ZCCHC10: variants seen among roughly 807,000 people sequenced by gnomAD.
ZCCHC10 encodes the protein zinc finger CCHC domain-containing protein 10.
In ZCCHC10, 16 loss-of-function variants were observed where a neutral mutation model predicts 19.5. The observed-to-expected ratio is 0.82, with a 90% CI of 0.56 to 1.25. The LOEUF (loss-of-function observed/expected upper bound fraction) is 1.25. Among genes scored for constraint, ZCCHC10 ranks in the 50% most tolerant of loss-of-function variants. The probability of loss-of-function intolerance (pLI) is 0.00; values close to 1 mark genes in which losing one functional copy is unlikely to be tolerated. For missense variants in ZCCHC10, 197 were observed against 201.0 expected, an observed-to-expected ratio of 0.98 and a Z score of 0.12; for synonymous variants, 67 against 72.5, an observed-to-expected ratio of 0.92 and a Z score of 0.38.
In ZCCHC10 at chr5:132,998,616, G is replaced by A. The variant is rs766096641; in HGVS notation, c.546C>T (p.Asp182=). The A allele has an allele frequency of 1.9e-5, 30 of 1,613,820 alleles. No homozygotes were observed. The South Asian group carries it at 2.3e-4, about 12-fold the overall frequency. Residue 182 remains aspartate (D), a synonymous_variant, in exon 5 of 5, where the codon GAC becomes GAT. Transcript: ENST00000509437. ...TTTTCTTCTTCTTTGGTGGTTCATC[G>A]TCAGAGCTGCTATCTGTGCTGGTGC... ...SSSTSTDSSS[D]DEPPKKKKKK is the part of the protein sequence containing the mutation.
At chr5:133,009,424 C>T (rs1205895930) in intron 2 of ZCCHC10, among the ~76,000 whole-genome samples, 4 of 151,582 alleles carry the variant, frequency 2.6e-5, no homozygotes, top group South Asian at 2.1e-4. Context: ...TCGAGACCAG[C>T]GTGGCCAACA....
At chr5:133,021,712 T>TA (rs1764322963) in intron 2 of ZCCHC10, among the ~76,000 whole-genome samples, 1 of 152,204 alleles carries the variant, frequency 6.6e-6, no homozygotes, top group East Asian at 1.9e-4. Context: ...ACTTTATAAA[T>TA]ACTGTACATT....
intron 1 of ZCCHC10, 97 bp from the exon 2 acceptor site, chr5:133,023,003 A>C (rs1311901602): frequency 7.4e-6 from 3 of 403,448 alleles, no homozygotes; most frequent in Non-Finnish European, 1.3e-5. Context: ...ATGACAATTC[A>C]GGTAGAAAAC....
At chr5:133,004,321 T>A (rs991249412) in intron 3 of ZCCHC10, among the ~76,000 whole-genome samples, 1 of 151,812 alleles carries the variant, frequency 6.6e-6, no homozygotes, top group African/African-American at 2.4e-5. Context: ...ATTATGGGCA[T>A]GCGCCACCAC....
chr5:133,013,156 G>T (rs1763679637), intron 2 of ZCCHC10, among the ~76,000 whole-genome samples: 1 of 149,992 alleles, frequency 6.7e-6, no homozygotes, highest in Admixed American at 6.6e-5. Flanking sequence ...TACTTGGGAG[G>T]CTGAGGCAGG....
At chr5:133,002,794 A>G (rs538751155) in intron 3 of ZCCHC10, among the ~76,000 whole-genome samples, 39 of 151,986 alleles carry the variant, frequency 2.6e-4, no homozygotes, top group African/African-American at 9.2e-4. Context: ...ATCTTGGCTT[A>G]CTTCAACCTC....
intron 2 of ZCCHC10, among the ~76,000 whole-genome samples, chr5:133,022,382 A>G (rs1199519655): frequency 6.6e-6 from 1 of 152,014 alleles, no homozygotes; most frequent in African/African-American, 2.4e-5. Context: ...GAATTAATAT[A>G]TGGGATCTGT....
Position 132,998,740 on chromosome 5 carries a change from G to A in ZCCHC10, c.422C>T (p.Thr141Ile), listed in dbSNP as rs1762579494. Residue 141 changes from threonine to isoleucine, a missense_variant, in exon 5 of 5, where the codon ACT becomes ATT. Transcript: ENST00000509437. ...STSSSSEDSD[T>I]DESSSSSSSS... ...TGAGGAACTAGAGGAGCTTTCATCA[G>A]TGTCACTGTCCTCTGAGGAGGAAGA... 8 of 1,614,152 alleles carry A rather than the reference G, an allele frequency of 5.0e-6. No individual in the cohort carries two copies. Among genetic ancestry groups the A allele is most frequent in the Non-Finnish European group, 6.8e-6 (8 of 1,180,034 alleles).
chr5:133,015,263 G>GT (rs1763847034), intron 2 of ZCCHC10, among the ~76,000 whole-genome samples: 1 of 151,956 alleles, frequency 6.6e-6, no homozygotes, highest in African/African-American at 2.4e-5. Flanking sequence ...ATTTTTAGCA[G>GT]ATACAGGGTT....
intron 2 of ZCCHC10, among the ~76,000 whole-genome samples, chr5:133,018,197 A>G (rs1057027104): frequency 5.9e-5 from 9 of 152,004 alleles, no homozygotes; most frequent in African/African-American, 2.2e-4. Flanking sequence ...GATAGTAAAC[A>G]AACCAAGGCC....
chr5:133,010,734 G>C (rs1763444154), intron 2 of ZCCHC10, among the ~76,000 whole-genome samples: 2 of 152,088 alleles, frequency 1.3e-5, no homozygotes, highest in Admixed American at 1.3e-4. Flanking sequence ...GCCTCCCAAA[G>C]TGCTGCGATT....
At chr5:132,999,610 G>A (rs994983950) in intron 4 of ZCCHC10, among the ~76,000 whole-genome samples, 6 of 152,124 alleles carry the variant, frequency 3.9e-5, no homozygotes, top group South Asian at 2.1e-4. Context: ...TTGTTTCCAC[G>A]TACAAGGACT....
chr5:133,019,258 A>G (rs962676885), intron 2 of ZCCHC10: 6 of 257,104 alleles, frequency 2.3e-5, no homozygotes, highest in Non-Finnish European at 3.9e-5. Flanking sequence ...TGATTAACAT[A>G]TTTTATATGT....
At chr5:133,001,243 T>C (rs1029514912) in intron 3 of ZCCHC10, among the ~76,000 whole-genome samples, 3 of 151,228 alleles carry the variant, frequency 2.0e-5, no homozygotes, top group Admixed American at 6.6e-5. Context: ...ACACAAAAAT[T>C]AGCCAGGCTT....
At chr5:133,005,885 G>C (rs1763086350) in intron 3 of ZCCHC10, among the ~76,000 whole-genome samples, 1 of 150,898 alleles carries the variant, frequency 6.6e-6, no homozygotes, top group South Asian at 2.1e-4. Flanking sequence ...AACGCTTGAA[G>C]AACTTTCACG....
intron 1 of ZCCHC10, among the ~76,000 whole-genome samples, chr5:133,026,084 T>G (rs755885758): frequency 4.6e-5 from 7 of 151,932 alleles, no homozygotes; most frequent in Admixed American, 3.3e-4. Flanking sequence ...AATAAGGAAG[T>G]AGGAAAAGGC....
chr5:133,023,698 G>T (rs766765633), intron 1 of ZCCHC10, among the ~76,000 whole-genome samples: 17 of 151,700 alleles, frequency 1.1e-4, no homozygotes, highest in Admixed American at 1.1e-3. Flanking sequence ...TTGAACCTGG[G>T]AGGTGGAGGT....
At chr5:132,999,473 C>T (rs6859346) in intron 4 of ZCCHC10, among the ~76,000 whole-genome samples, 47,074 of 151,998 alleles carry the variant, frequency 0.31, 8,192 homozygotes, top group African/African-American at 0.48. Flanking sequence ...TTAAACCTCA[C>T]GTAGCTTAGC....
At chr5:133,015,163 C>T (rs994904191) in intron 2 of ZCCHC10, among the ~76,000 whole-genome samples, 16 of 150,868 alleles carry the variant, frequency 1.1e-4, no homozygotes, top group Non-Finnish European at 2.4e-4. Flanking sequence ...ACTGCAGCCT[C>T]TGCCTCCTGG....
Sources: allele counts gnomAD v4.1 joint callset (sites outside exome capture counted in the v4.1 genomes callset), GRCh38; gene constraint gnomAD v4.1.1; transcripts MANE v1.5; gene names NCBI Gene and HGNC (gene_info 2026-07-23, HGNC 2026-07-21).